The following CCDC201 variants were observed in gnomAD, a reference collection of about 807,000 sequenced individuals.
CCDC201 encodes coiled-coil domain containing 201.
chr7:45,869,967 C>T (rs1268820994), intron 1 of CCDC201, among the ~76,000 whole-genome samples: 1 of 152,078 alleles, frequency 6.6e-6, no homozygotes, highest in African/African-American at 2.4e-5. Flanking sequence ...CAAGCATGTG[C>T]CACCATGTCC....
chr7:45,868,634 A>G (rs1447846830), intron 1 of CCDC201, among the ~76,000 whole-genome samples: 1 of 152,126 alleles, frequency 6.6e-6, no homozygotes, highest in Non-Finnish European at 1.5e-5. Flanking sequence ...TGGACAAAGA[A>G]TGGAAAGAGT....
chr7:45,877,000 G>A, upstream of CCDC201, among the ~76,000 whole-genome samples: 1 of 152,240 alleles, frequency 6.6e-6, no homozygotes, highest in East Asian at 1.9e-4. Context: ...TACAGTGCTT[G>A]TGGAAGTGGT....
chr7:45,884,259 C>G, the CCDC201 span, among the ~76,000 whole-genome samples: 1 of 152,132 alleles, frequency 6.6e-6, no homozygotes, highest in Non-Finnish European at 1.5e-5. Context: ...ACCACCATGC[C>G]TGGCTAATTA....
At chr7:45,878,057 A>G (rs967950647), upstream of CCDC201, among the ~76,000 whole-genome samples, 42 of 152,228 alleles carry the variant, frequency 2.8e-4, no homozygotes, top group African/African-American at 9.9e-4. Flanking sequence ...GAAACCCAGC[A>G]GGGCAGTCAT....
chr7:45,882,951 A>G, the CCDC201 span, among the ~76,000 whole-genome samples: 2 of 152,336 alleles, frequency 1.3e-5, no homozygotes, highest in Admixed American at 1.3e-4. Flanking sequence ...TAGCCTACAT[A>G]AAATGCCTGT....
At chr7:45,864,867 A>G (rs555753564) in intron 2 of CCDC201, among the ~76,000 whole-genome samples, 6 of 152,318 alleles carry the variant, frequency 3.9e-5, no homozygotes, top group African/African-American at 1.4e-4. Flanking sequence ...ACTGCAGAGG[A>G]TCACAGACGG....
At chr7:45,881,355 T>C in the CCDC201 span, among the ~76,000 whole-genome samples, 1 of 152,170 alleles carries the variant, frequency 6.6e-6, no homozygotes, top group Non-Finnish European at 1.5e-5. Flanking sequence ...CTCTCACTTC[T>C]TATGGAGTGG....
chr7:45,867,637 CA>C (rs1786692302), intron 1 of CCDC201, among the ~76,000 whole-genome samples: 1 of 152,178 alleles, frequency 6.6e-6, no homozygotes, highest in South Asian at 2.1e-4. Flanking sequence ...AGGAGAGACT[CA>C]AAAAAGCACA....
intron 2 of CCDC201, among the ~76,000 whole-genome samples, chr7:45,863,653 T>G (rs1452622055): frequency 1.3e-5 from 2 of 152,030 alleles, no homozygotes; most frequent in Non-Finnish European, 2.9e-5. Context: ...ATGGGTAAAC[T>G]CCTGACACTA....
exon 3 of CCDC201, chr7:45,862,540 A>G (rs1420665487): frequency 6.6e-6 from 1 of 152,186 alleles, no homozygotes; most frequent in Non-Finnish European, 1.5e-5. Context: ...TGGTGCTCCA[A>G]TGAGACCACC....
chr7:45,878,444 A>G, the CCDC201 span, among the ~76,000 whole-genome samples: 1 of 152,224 alleles, frequency 6.6e-6, no homozygotes, highest in African/African-American at 2.4e-5. Context: ...ACATTTCCAT[A>G]CATCCTCTGA....
At chr7:45,868,778 T>C (rs935378272) in intron 1 of CCDC201, among the ~76,000 whole-genome samples, 8 of 152,188 alleles carry the variant, frequency 5.3e-5, no homozygotes, top group African/African-American at 1.9e-4. Context: ...CTGTAGCACT[T>C]AAACACAGCT....
chr7:45,877,902 T>C (rs1299306435), upstream of CCDC201, among the ~76,000 whole-genome samples: 1 of 152,160 alleles, frequency 6.6e-6, no homozygotes. Context: ...CAAAATCTCA[T>C]CTGAGACAAA....
upstream of CCDC201, among the ~76,000 whole-genome samples, chr7:45,873,374 A>G (rs1414850949): frequency 5.9e-5 from 6 of 102,414 alleles, no homozygotes; most frequent in African/African-American, 2.5e-4. Context: ...CTCAATCCAC[A>G]AGGCAACTGG....
At chr7:45,863,396 A>G (rs1786626828) in intron 2 of CCDC201, among the ~76,000 whole-genome samples, 1 of 152,048 alleles carries the variant, frequency 6.6e-6, no homozygotes, top group Non-Finnish European at 1.5e-5. Context: ...TGTATAGGTG[A>G]ATGGGGTAAG....
the CCDC201 span, among the ~76,000 whole-genome samples, chr7:45,883,980 TTTTC>T: frequency 6.6e-5 from 10 of 151,112 alleles, no homozygotes; most frequent in African/African-American, 1.2e-4. Context: ...TCTTTCTTTC[TTTTC>T]TTTTCTTTCT....
upstream of CCDC201, among the ~76,000 whole-genome samples, chr7:45,876,874 C>A (rs1432752961): frequency 1.3e-5 from 2 of 152,192 alleles, no homozygotes; most frequent in Non-Finnish European, 2.9e-5. Flanking sequence ...GCACAGAATC[C>A]CAAACCTCTC....
chr7:45,874,631 A>G (rs10249499), upstream of CCDC201, among the ~76,000 whole-genome samples: 15,567 of 152,236 alleles, frequency 0.1, 983 homozygotes, highest in East Asian at 0.2. Flanking sequence ...CAGTGGCAAG[A>G]GAGGTTGAGA....
chr7:45,883,092 C>T, the CCDC201 span, among the ~76,000 whole-genome samples: 194 of 152,268 alleles, frequency 1.3e-3, no homozygotes, highest in Non-Finnish European at 2.1e-3. Flanking sequence ...GTATAGTAAA[C>T]GTTTATGAAA....
Sources: gnomAD v4.1 joint callset for allele counts (sites outside exome capture counted in the v4.1 genomes callset) on GRCh38, gnomAD v4.1.1 for gene constraint, MANE v1.5 for transcripts, NCBI Gene and HGNC (gene_info 2026-07-23, HGNC 2026-07-21) for gene names.